The following ADGRG5 variants were observed in gnomAD, a reference collection of about 807,000 sequenced individuals.
ADGRG5 encodes the protein adhesion G protein-coupled receptor G5.
A neutral mutation model predicts 53.2 loss-of-function variants in ADGRG5; 37 were observed. The ratio of observed to expected loss-of-function variants is 0.70; its 90% CI spans 0.53 to 0.91. The LOEUF (loss-of-function observed/expected upper bound fraction) is 0.91. Ranked by LOEUF, ADGRG5 falls within the 40% of genes least tolerant of loss-of-function variation. The pLI is 0.00. For synonymous variants in ADGRG5, 277 were observed against 290.4 expected, an observed-to-expected ratio of 0.95 and a Z score of 0.47; for missense variants, 614 against 675.8, an observed-to-expected ratio of 0.91 and a Z score of 1.01.
Position 57,567,886 on chromosome 16 carries a change from C to T in ADGRG5, c.852C>T (p.His284=). 6.2e-7 allele frequency: 1 copy of T among 1,612,488 alleles called. No individual in the cohort carries two copies. The highest frequency in any genetic ancestry group is 1.1e-5 in the South Asian group (1 of 90,994). The change falls in exon 9 of 12, where the codon CAC becomes CAT. Residue 284 remains histidine (H), a synonymous_variant. Transcript: ENST00000349457. ...AGAGTGACTCCTTAACACGCATCCA[C>T]ATGAACCTGCATGCCTCCGTGCTGC... ...RKQSDSLTRI[H]MNLHASVLLL... is the part of the protein sequence containing the mutation.
rs1299165342 is a variant in ADGRG5, at chr16:57,574,971, C to T, written c.1365C>T (p.Asp455=). ...CACCAAGTGTCAGGGCCTGCCATGA[C>T]ACTGTCACTGTGCTGGGCCTCACCG... ...ADAPSVRACH[D]TVTVLGLTVL... Residue 455 remains aspartate, a synonymous_variant, in exon 11 of 12, where the codon GAC becomes GAT. Coordinates refer to ENST00000349457, the MANE Select transcript of ADGRG5 (RefSeq NM_001304376.3). This position sits in a 1 kb window ranked among gnomAD's most constrained non-coding sequence, Gnocchi z 4.4. 2 of 1,613,892 alleles carry T rather than the reference C, an allele frequency of 1.2e-6. No individual in the cohort carries two copies. Among genetic ancestry groups the T allele is most frequent in the Admixed American group, 3.3e-5 (2 of 60,016 alleles).
rs1438957159 is a variant in ADGRG5 at position 57,574,203 on chromosome 16, A to G, written c.1209-612A>G. On this transcript the variant is annotated intron_variant, in intron 10 of 11. Transcript: ENST00000349457. The surrounding 1 kb of genome is among the most constrained non-coding windows in gnomAD (Gnocchi z 4.4). ...CGGGGCTGGCTTCGGTTAGTTCTCC[A>G]TGGCTCTCTGCTCAGCCCTCAGTGG... 6.6e-6 allele frequency among the ~76,000 whole-genome samples: 1 copy of G among 152,178 alleles called. No homozygotes were observed. Among genetic ancestry groups the G allele is most frequent in the East Asian group, 1.9e-4 (1 of 5,184 alleles).
At chr16:57,551,369 A>G (rs1337959901) in intron 1 of ADGRG5, among the ~76,000 whole-genome samples, 1 of 152,234 alleles carries the variant, frequency 6.6e-6, no homozygotes, top group East Asian at 1.9e-4. Flanking sequence ...GCTTCATTCA[A>G]AATTGGAGTC....
rs201176226 is a variant in ADGRG5, at chr16:57,563,984, G to C, written c.429+5G>C. ...TCCAACACCCACTTTTTCAAGGTCA[G>C]TGTGATGGCGGGCCAAGGAGGGTGG... On this transcript the variant is annotated splice_donor_5th_base_variant and intron_variant, in intron 5 of 11. Transcript: ENST00000349457. 145 of 1,609,490 alleles carry C rather than the reference G, an allele frequency of 9.0e-5. 2 individuals carry two copies. The East Asian group carries it at 3.2e-3, about 36-fold the overall frequency.
intron 1 of ADGRG5, among the ~76,000 whole-genome samples, chr16:57,557,013 G>T (rs184333431): frequency 1.0e-4 from 15 of 147,704 alleles, no homozygotes; most frequent in Non-Finnish European, 1.9e-4. Flanking sequence ...GGACTCAAGT[G>T]ATCCTCCAGC....
At chr16:57,557,745 A>G (rs1219989956) in intron 1 of ADGRG5, among the ~76,000 whole-genome samples, 2 of 152,208 alleles carry the variant, frequency 1.3e-5, no homozygotes, top group African/African-American at 4.8e-5. Flanking sequence ...TGCTGTGTCC[A>G]GTTTGCTAAT....
chr16:57,549,143 C>T (rs1352079684), intron 1 of ADGRG5, among the ~76,000 whole-genome samples: 1 of 152,150 alleles, frequency 6.6e-6, no homozygotes, highest in Non-Finnish European at 1.5e-5. Flanking sequence ...TGTGTATAAT[C>T]CTGGCTTGCC....
chr16:57,568,137 TCTCTC>T lies in ADGRG5; in HGVS notation c.1090+17_1090+21del. On this transcript the variant is annotated intron_variant, in intron 9 of 11. Transcript: ENST00000349457. ...GTGCTAGGCTGGGGTAAGCACATCA[TCTCTC>T]CTCGCCTCCTCAGACTTCCAGGTGG... 1 of 1,613,008 alleles carries T rather than the reference TCTCTC, an allele frequency of 6.2e-7. No homozygotes were observed. The highest frequency in any genetic ancestry group is 2.2e-5 in the East Asian group (1 of 44,842).
At chr16:57,554,781 C>T (rs1437701355) in intron 1 of ADGRG5, among the ~76,000 whole-genome samples, 1 of 152,184 alleles carries the variant, frequency 6.6e-6, no homozygotes, top group African/African-American at 2.4e-5. Context: ...TGAAATCCTT[C>T]ATCTTTCCTA....
Position 57,567,528 on chromosome 16 carries a change from T to A in ADGRG5, c.758T>A (p.Leu253His). ...ELLAPLTYIS[L>H]VGCSISIVAS... The stretch of plus-strand genomic sequence containing the variant: ...CTGGCACCTCTTACGTACATCTCCC[T>A]CGTGGGCTGCAGCATCTCCATCGTG... The change falls in exon 8 of 12, where the codon CTC (leucine) becomes CAC (histidine). Residue 253 changes from leucine to histidine, a missense_variant. By Grantham distance (99) the Leu-to-His change is moderately conservative. Coordinates refer to ENST00000349457, the MANE Select transcript of ADGRG5 (RefSeq NM_001304376.3). The A allele has an allele frequency of 6.2e-7, 1 of 1,611,852 alleles. No homozygotes were observed. Among genetic ancestry groups the A allele is most frequent in the Non-Finnish European group, 8.5e-7 (1 of 1,179,886 alleles).
intron 11 of ADGRG5, among the ~76,000 whole-genome samples, 171 bp downstream of exon 11, chr16:57,575,263 G>C (rs2033484330): frequency 6.6e-6 from 1 of 152,136 alleles, no homozygotes; most frequent in African/African-American, 2.4e-5. Context: ...GGTACCCTAT[G>C]GACTGGCCAC....
chr16:57,534,343 A>C, the ADGRG5 span, among the ~76,000 whole-genome samples: 2 of 152,202 alleles, frequency 1.3e-5, no homozygotes, highest in Non-Finnish European at 2.9e-5. Context: ...ACTCCAGGAC[A>C]GAAACAAGAA....
chr16:57,567,203 C>A (rs1276880021), intron 7 of ADGRG5, among the ~76,000 whole-genome samples: 2 of 152,220 alleles, frequency 1.3e-5, no homozygotes, highest in Admixed American at 1.3e-4. Context: ...CCTGGCACCC[C>A]TTTCTGCACA....
intron 1 of ADGRG5, among the ~76,000 whole-genome samples, chr16:57,550,754 G>C (rs2032728172): frequency 1.3e-5 from 2 of 152,198 alleles, no homozygotes; most frequent in Admixed American, 1.3e-4. Flanking sequence ...TTACGGCCAG[G>C]CACGGTGGCT....
chr16:57,573,023 G>T (rs1472619189), intron 10 of ADGRG5, among the ~76,000 whole-genome samples: 2 of 152,160 alleles, frequency 1.3e-5, no homozygotes, highest in African/African-American at 4.8e-5. Flanking sequence ...TCATCTGCAG[G>T]ATGAGGACGA....
Position 57,567,867 on chromosome 16 carries a change from A to G in ADGRG5, c.833A>G (p.Asp278Gly). The change falls in exon 9 of 12, where the codon GAC becomes GGC. Residue 278 changes from aspartate (D) to glycine (G), a missense_variant. Coordinates refer to ENST00000349457, the MANE Select transcript of ADGRG5 (RefSeq NM_001304376.3). Reference sequence around the variant, plus strand: ...TCTCTCACCTGCAGGAAGCAGAGTGACTCCTTAACACGCATCCACATGAAC... The same window carrying G: ...TCTCTCACCTGCAGGAAGCAGAGTGGCTCCTTAACACGCATCCACATGAAC... ...LLHFHFRKQSDSLTRIHMNLH... is the reference protein window; with the variant it reads ...LLHFHFRKQSGSLTRIHMNLH... 1 of 1,609,380 alleles carries G rather than the reference A, an allele frequency of 6.2e-7. No homozygotes were observed. The highest frequency in any genetic ancestry group is 8.5e-7 in the Non-Finnish European group (1 of 1,179,196).
At chr16:57,538,115 TCTCTC>T (rs1187398799), upstream of ADGRG5, among the ~76,000 whole-genome samples, 1 of 152,126 alleles carries the variant, frequency 6.6e-6, no homozygotes, top group East Asian at 1.9e-4. Flanking sequence ...TATCAGGCCT[TCTCTC>T]CTTAGGAAGA....
At chr16:57,555,886 CCTTG>C (rs2032871564) in intron 1 of ADGRG5, among the ~76,000 whole-genome samples, 1 of 152,062 alleles carries the variant, frequency 6.6e-6, no homozygotes, top group Non-Finnish European at 1.5e-5. Flanking sequence ...CAGATTTCCC[CCTTG>C]CTGTTCTCCT....
At chr16:57,560,813 CTCAT>C (rs2032982553) in intron 1 of ADGRG5, among the ~76,000 whole-genome samples, 1 of 152,102 alleles carries the variant, frequency 6.6e-6, no homozygotes, top group Non-Finnish European at 1.5e-5. Context: ...GAGACAAGGT[CTCAT>C]TCTGTTGCCC....
Sources: allele counts gnomAD v4.1 joint callset (sites outside exome capture counted in the v4.1 genomes callset), GRCh38; gene constraint gnomAD v4.1.1; non-coding constraint Gnocchi (gnomAD v3.1); transcripts MANE v1.5; gene names NCBI Gene and HGNC (gene_info 2026-07-23, HGNC 2026-07-21).